LGSN: variants seen among roughly 807,000 people sequenced by gnomAD.
LGSN encodes the protein lengsin, lens protein with glutamine synthetase domain, also known as lengsin.
LGSN carries 21 observed loss-of-function variants against 19.5 expected under a neutral mutation model. That is an observed-to-expected ratio of 1.07 (90% confidence interval 0.76 to 1.55). LGSN has a LOEUF of 1.55. LGSN is among the 40% of genes most tolerant of loss of function. The pLI is 0.00. For synonymous variants in LGSN, 257 were observed against 215.6 expected, an observed-to-expected ratio of 1.19 and a Z score of -1.68; for missense variants, 673 against 608.5, an observed-to-expected ratio of 1.11 and a Z score of -1.12.
At chr6:63,286,279 C>T (rs1273553017) in intron 2 of LGSN, among the ~76,000 whole-genome samples, 3 of 152,072 alleles carry the variant, frequency 2.0e-5, no homozygotes, top group Non-Finnish European at 4.4e-5. Context: ...TGGCATCTAA[C>T]TCTAAGAAAT....
the LGSN span, among the ~76,000 whole-genome samples, chr6:63,364,696 C>T: frequency 6.6e-6 from 1 of 151,314 alleles, no homozygotes. Flanking sequence ...GTAAAGCACT[C>T]CTCAGCAAAT....
the LGSN span, among the ~76,000 whole-genome samples, chr6:63,444,095 G>C: frequency 6.6e-6 from 1 of 152,032 alleles, no homozygotes; most frequent in Non-Finnish European, 1.5e-5. Flanking sequence ...AGAAGTAATG[G>C]CTTGTTTCAT....
the LGSN span, among the ~76,000 whole-genome samples, chr6:63,558,044 G>A: frequency 6.6e-6 from 1 of 152,056 alleles, no homozygotes; most frequent in East Asian, 1.9e-4. Flanking sequence ...GGTAATTTTT[G>A]TATTTTTAGT....
chr6:63,445,125 A>G, the LGSN span, among the ~76,000 whole-genome samples: 1 of 152,190 alleles, frequency 6.6e-6, no homozygotes, highest in Non-Finnish European at 1.5e-5. Context: ...AGCCTGACCA[A>G]CGTGGTGAAA....
chr6:63,406,168 C>T, the LGSN span, among the ~76,000 whole-genome samples: 1 of 152,160 alleles, frequency 6.6e-6, no homozygotes, highest in African/African-American at 2.4e-5. Context: ...AGCTCTGCAC[C>T]AAGCAGACCT....
the LGSN span, among the ~76,000 whole-genome samples, chr6:63,510,758 C>G: frequency 1.3e-5 from 2 of 149,238 alleles, no homozygotes; most frequent in Non-Finnish European, 3.0e-5. Flanking sequence ...ACTGTAACCT[C>G]TGCCTCCTGG....
At chr6:63,394,130 G>A in the LGSN span, among the ~76,000 whole-genome samples, 77 of 152,284 alleles carry the variant, frequency 5.1e-4, no homozygotes, top group African/African-American at 1.8e-3. Context: ...AGCTGGGCGT[G>A]GTGGGCGACT....
intron 1 of LGSN, among the ~76,000 whole-genome samples, chr6:63,319,050 C>G (rs1195896522): frequency 6.6e-6 from 1 of 152,130 alleles, no homozygotes; most frequent in African/African-American, 2.4e-5. Context: ...ATAGCCTTGC[C>G]CAGTTTCCCT....
the LGSN span, among the ~76,000 whole-genome samples, chr6:63,544,327 G>GTA: frequency 6.6e-6 from 1 of 152,060 alleles, no homozygotes; most frequent in Non-Finnish European, 1.5e-5. Flanking sequence ...CTCTACCTAT[G>GTA]TATATACATT....
chr6:63,454,953 C>T, the LGSN span, among the ~76,000 whole-genome samples: 47 of 151,570 alleles, frequency 3.1e-4, 1 homozygote, highest in Admixed American at 1.2e-3. Flanking sequence ...CCACCACGCC[C>T]GGCTAATTTT....
At chr6:63,442,377 T>G in the LGSN span, among the ~76,000 whole-genome samples, 1 of 152,212 alleles carries the variant, frequency 6.6e-6, no homozygotes, top group South Asian at 2.1e-4. Context: ...CCTGCTTTTA[T>G]TCCCTTATCT....
the LGSN span, among the ~76,000 whole-genome samples, chr6:63,369,197 T>A: frequency 6.6e-6 from 1 of 152,218 alleles, no homozygotes; most frequent in Non-Finnish European, 1.5e-5. Context: ...GTAGGCAGAG[T>A]CTTAAGTCAT....
chr6:63,315,264 C>T (rs755271738), intron 1 of LGSN, among the ~76,000 whole-genome samples: 1 of 152,114 alleles, frequency 6.6e-6, no homozygotes, highest in Non-Finnish European at 1.5e-5. Flanking sequence ...ATAAAAGATT[C>T]TAAATGAGAC....
chr6:63,308,639 C>T (rs555336603), intron 1 of LGSN, among the ~76,000 whole-genome samples: 1 of 151,832 alleles, frequency 6.6e-6, no homozygotes, highest in East Asian at 1.9e-4. Flanking sequence ...TTTTTTGACC[C>T]CTATATAATA....
At chr6:63,400,619 T>G in the LGSN span, among the ~76,000 whole-genome samples, 3 of 152,252 alleles carry the variant, frequency 2.0e-5, no homozygotes, top group Non-Finnish European at 2.9e-5. Flanking sequence ...TACTGTGTTT[T>G]GGGGCATTTC....
chr6:63,344,836 A>C, the LGSN span, among the ~76,000 whole-genome samples: 1 of 152,234 alleles, frequency 6.6e-6, no homozygotes, highest in Non-Finnish European at 1.5e-5. Context: ...TATTTGGCAA[A>C]GGAATAAATA....
chr6:63,504,146 CT>C, the LGSN span, among the ~76,000 whole-genome samples: 524 of 150,678 alleles, frequency 3.5e-3, 5 homozygotes, highest in African/African-American at 0.012. Context: ...AAATAAAAAT[CT>C]TTTTTTTTGA....
intron 1 of LGSN, 76 bp from the exon 2 acceptor site, chr6:63,295,121 T>C: frequency 7.3e-7 from 1 of 1,364,800 alleles, no homozygotes; most frequent in South Asian, 1.2e-5. Context: ...AAAGAGTATA[T>C]TTGAATAGCT....
At chr6:63,517,015 G>A in the LGSN span, among the ~76,000 whole-genome samples, 1 of 152,136 alleles carries the variant, frequency 6.6e-6, no homozygotes, top group South Asian at 2.1e-4. Flanking sequence ...ATTGTTTTGG[G>A]ATATTTATTT....
Sources: allele counts gnomAD v4.1 joint callset (sites outside exome capture counted in the v4.1 genomes callset), GRCh38; gene constraint gnomAD v4.1.1; transcripts MANE v1.5; gene names NCBI Gene and HGNC (gene_info 2026-07-23, HGNC 2026-07-21).